MYO9B: variants seen among roughly 807,000 people sequenced by gnomAD.
The protein encoded by MYO9B is myosin IXB, also known as unconventional myosin-IXb.
In MYO9B, 71 loss-of-function variants were observed where a neutral mutation model predicts 229.5. That is an observed-to-expected ratio of 0.31 (90% CI 0.26 to 0.38). The LOEUF is 0.38. MYO9B is among the 10% of genes least tolerant of loss of function. MYO9B has a pLI of 1.00. For missense variants in MYO9B, 2,255 were observed against 2,920.5 expected (o/e 0.77, Z 5.25); for synonymous variants, 1,185 against 1,235.8 (o/e 0.96, Z 0.86).
intron 24 of MYO9B, 89 bp from the exon 25 acceptor site, chr19:17,200,204 C>T (rs1027902891): frequency 1.2e-5 from 18 of 1,475,230 alleles, no homozygotes; most frequent in Non-Finnish European, 1.5e-5. Flanking sequence ...ATTGATAGAG[C>T]ATTTGCCATG....
At chr19:17,180,232 C>CAATAAATAAATA (rs80341285) in intron 14 of MYO9B, among the ~76,000 whole-genome samples, 2,848 of 147,054 alleles carry the variant, frequency 0.019, 81 homozygotes, top group African/African-American at 0.059. Flanking sequence ...GACTCCGTCT[C>CAATAAATAAATA]AATAAATAAA....
chr19:17,153,485 G>A (rs1181653736), intron 4 of MYO9B, among the ~76,000 whole-genome samples: 4 of 149,916 alleles, frequency 2.7e-5, no homozygotes, highest in Admixed American at 6.7e-5. Flanking sequence ...CCAGGAGTTC[G>A]AGACCAGCCT....
intron 14 of MYO9B, among the ~76,000 whole-genome samples, chr19:17,180,477 G>C (rs556716261): frequency 4.1e-5 from 6 of 147,596 alleles, no homozygotes; most frequent in African/African-American, 1.5e-4. Context: ...AGCCTCCCAC[G>C]TAGCTGGGAT....
intron 1 of MYO9B, among the ~76,000 whole-genome samples, chr19:17,089,721 C>T (rs1229329343): frequency 6.6e-6 from 1 of 152,118 alleles, no homozygotes; most frequent in Non-Finnish European, 1.5e-5. Context: ...CATATACTGG[C>T]CTGGTTTTAC....
chr19:17,133,085 A>T (rs1385531196), intron 2 of MYO9B, among the ~76,000 whole-genome samples: 1 of 151,478 alleles, frequency 6.6e-6, no homozygotes, highest in Non-Finnish European at 1.5e-5. Context: ...TGACCTTGTG[A>T]TCCGCCTGTC....
intron 2 of MYO9B, among the ~76,000 whole-genome samples, chr19:17,126,104 A>T (rs1311330068): frequency 2.0e-5 from 3 of 151,708 alleles, no homozygotes; most frequent in African/African-American, 7.3e-5. Flanking sequence ...TAACCTCCTC[A>T]TTCCCTCGGC....
chr19:17,148,532 C>T (rs2072441359), intron 3 of MYO9B, among the ~76,000 whole-genome samples: 1 of 152,196 alleles, frequency 6.6e-6, no homozygotes, highest in African/African-American at 2.4e-5. Flanking sequence ...CTCATGGCCA[C>T]ATTACTCCCA....
rs147377232 is a variant in MYO9B at position 17,113,115 on chromosome 19, C to T, written c.840+10558C>T. On this transcript the variant is annotated intron_variant, in intron 2 of 39. Transcript: ENST00000682292. Reference sequence around the variant, plus strand: ...GTCTGTCTGTCAAAGGGTCCAGGAGCCCCCACTGGCTTGAGTTGTGTCTAT... The same window carrying T: ...GTCTGTCTGTCAAAGGGTCCAGGAGTCCCCACTGGCTTGAGTTGTGTCTAT... 6.1e-3 allele frequency among the ~76,000 whole-genome samples: 934 copies of T among 152,308 alleles called. 10 individuals are homozygous for T. Among genetic ancestry groups the T allele is most frequent in the Non-Finnish European group, 0.011 (752 of 68,030 alleles).
At chr19:17,085,065 ACTT>A (rs2057569708) in intron 1 of MYO9B, among the ~76,000 whole-genome samples, 1 of 152,084 alleles carries the variant, frequency 6.6e-6, no homozygotes, top group Admixed American at 6.6e-5. Flanking sequence ...GCCTGAGGTG[ACTT>A]CTTTCTCCCC....
Position 17,201,964 on chromosome 19 carries a change from C to G in MYO9B, c.4602C>G (p.Ser1534Arg). ...DLRSQKTPIE[S>R]LFIEATEKFR... Reference sequence around the variant, plus strand: ...GTTCCCAGAAGACGCCCATTGAGAGCTTGTTTATCGAAGCCACCGAGAAGT... The same window carrying G: ...GTTCCCAGAAGACGCCCATTGAGAGGTTGTTTATCGAAGCCACCGAGAAGT... Residue 1534 changes from serine (S) to arginine (R), a missense_variant, in exon 27 of 40, where the codon AGC becomes AGG. By Grantham distance (110) the Ser-to-Arg change is moderately radical (BLOSUM62 -1). This residue lies in a region of MYO9B where 416 missense variants were observed against 605.5 expected (regional missense o/e 0.69). Transcript: ENST00000682292. The G allele has an allele frequency of 6.2e-7, 1 of 1,609,344 alleles. No individual in the cohort carries two copies. The highest frequency in any genetic ancestry group is 1.7e-4 in the Middle Eastern group (1 of 6,058).
intron 2 of MYO9B, 86 bp from the exon 3 acceptor site, chr19:17,145,311 T>TA: frequency 8.3e-7 from 1 of 1,209,700 alleles, no homozygotes; most frequent in African/African-American, 1.5e-5. Context: ...ATACAAAATA[T>TA]AAAAGCACAG....
At chr19:17,084,835 G>T (rs544757713) in intron 1 of MYO9B, among the ~76,000 whole-genome samples, 1 of 152,012 alleles carries the variant, frequency 6.6e-6, no homozygotes. Flanking sequence ...AACCCGGGAG[G>T]TGGAGGTTGC....
intron 34 of MYO9B, 58 bp from the exon 35 acceptor site, chr19:17,207,055 T>C: frequency 6.3e-7 from 1 of 1,590,246 alleles, no homozygotes; most frequent in Non-Finnish European, 8.6e-7. Flanking sequence ...GTCTCGGGGC[T>C]CCCTGGTACC....
At chr19:17,106,743 T>C (rs2057796158) in intron 2 of MYO9B, among the ~76,000 whole-genome samples, 1 of 152,038 alleles carries the variant, frequency 6.6e-6, no homozygotes, top group African/African-American at 2.4e-5. Context: ...CTGGGTAACA[T>C]TGCAAGACCC....
rs559271872 is a variant in MYO9B, at chr19:17,169,967, G to A, written c.1793+1903G>A. Among the ~76,000 whole-genome samples, 12 of 151,812 alleles carry A rather than the reference G, an allele frequency of 7.9e-5. No homozygotes were observed. The South Asian group carries it at 2.5e-3, about 32-fold the overall frequency. ...AGCGATTCTCGTGTCTCAGCCTCCC[G>A]AGTAGCTGGGATCACAGGTGCCTTG... On this transcript the variant is annotated intron_variant, in intron 11 of 39. Transcript: ENST00000682292.
intron 1 of MYO9B, among the ~76,000 whole-genome samples, chr19:17,094,808 G>T (rs535285176): frequency 6.6e-6 from 1 of 152,120 alleles, no homozygotes; most frequent in East Asian, 1.9e-4. Context: ...CAGGCGTGGT[G>T]GCATGTGCCT....
At chr19:17,124,034 T>TACC (rs1555803772) in intron 2 of MYO9B, among the ~76,000 whole-genome samples, 1 of 151,902 alleles carries the variant, frequency 6.6e-6, no homozygotes, top group African/African-American at 2.4e-5. Context: ...TACAGGCACT[T>TACC]ACCACCATCA....
Position 17,181,024 on chromosome 19 carries a change from C to A in MYO9B, c.2317C>A (p.Pro773Thr). ...LLQSLSRLQK[P>T]RAFILKSKGI... ...CCAGTCCCTCAGTCGGCTCCAGAAA[C>A]CCCGCGCCTTCATCCTGTGAGTCCC... is the stretch of plus-strand genomic sequence containing the variant. Residue 773 changes from proline (P) to threonine (T), a missense_variant, in exon 15 of 40, where the codon CCC becomes ACC. Transcript: ENST00000682292. 6.2e-7 allele frequency: 1 copy of A among 1,610,072 alleles called. No homozygotes were observed. The highest frequency in any genetic ancestry group is 8.5e-7 in the Non-Finnish European group (1 of 1,178,190).
chr19:17,092,843 T>C (rs936931769), intron 1 of MYO9B, among the ~76,000 whole-genome samples: 6 of 152,168 alleles, frequency 3.9e-5, no homozygotes, highest in African/African-American at 1.4e-4. Flanking sequence ...AGCATGTGTG[T>C]GCATAGTGTG....
Sources: gnomAD v4.1 joint callset for allele counts (sites outside exome capture counted in the v4.1 genomes callset) on GRCh38, gnomAD v4.1.1 for gene constraint, gnomAD v4.1.1 regional missense constraint, MANE v1.5 for transcripts, NCBI Gene and HGNC (gene_info 2026-07-23, HGNC 2026-07-21) for gene names.